Variants in PREX1 observed in about 807,000 individuals in gnomAD.
PREX1 encodes phosphatidylinositol-3,4,5-trisphosphate dependent Rac exchange factor 1.
A neutral mutation model predicts 198.3 loss-of-function variants in PREX1; 41 were observed. That is an observed-to-expected ratio of 0.21 (90% CI 0.16 to 0.27). PREX1 has a LOEUF of 0.27. Ranked by LOEUF, PREX1 falls within the 10% of genes least tolerant of loss-of-function variation. The pLI is 1.00. For missense variants in PREX1, 1,620 were observed against 2,200.7 expected (o/e 0.74, Z 5.28); for synonymous variants, 843 against 887.2 (o/e 0.95, Z 0.89).
chr20:48,751,189 T>C (rs2090132543), intron 1 of PREX1, among the ~76,000 whole-genome samples: 1 of 152,204 alleles, frequency 6.6e-6, no homozygotes, highest in Non-Finnish European at 1.5e-5. Flanking sequence ...GATCCTGTTT[T>C]TGAAACGACA....
At chr20:48,676,664 T>TGAAGATCCTACAATGCC (rs2089711673) in intron 13 of PREX1, among the ~76,000 whole-genome samples, 2 of 152,004 alleles carry the variant, frequency 1.3e-5, no homozygotes, top group African/African-American at 4.8e-5. Flanking sequence ...CCGGGGATGC[T>TGAAGATCCTACAATGCC]GCTGAAGATC....
At chr20:48,749,939 A>G (rs1387350473) in intron 1 of PREX1, among the ~76,000 whole-genome samples, 1 of 151,074 alleles carries the variant, frequency 6.6e-6, no homozygotes, top group Non-Finnish European at 1.5e-5. Context: ...TTATATCCCC[A>G]GCCTGGACTT....
chr20:48,768,568 C>T (rs2090219679), intron 1 of PREX1, among the ~76,000 whole-genome samples: 1 of 152,094 alleles, frequency 6.6e-6, no homozygotes, highest in Non-Finnish European at 1.5e-5. Flanking sequence ...GCAGAGGCGG[C>T]CGATCACTTG....
chr20:48,807,327 T>C (rs562018810), intron 1 of PREX1, among the ~76,000 whole-genome samples: 1 of 152,166 alleles, frequency 6.6e-6, no homozygotes, highest in African/African-American at 2.4e-5. Context: ...TCTACAAAAT[T>C]GGGGTCCTGC....
At chr20:48,749,445 G>A (rs573059360) in intron 1 of PREX1, among the ~76,000 whole-genome samples, 3 of 152,292 alleles carry the variant, frequency 2.0e-5, no homozygotes, top group South Asian at 4.1e-4. Flanking sequence ...ATCCCACCAC[G>A]CTTGTCTAGG....
At chr20:48,672,080 C>A (rs1568816449) in intron 14 of PREX1, among the ~76,000 whole-genome samples, 1 of 152,176 alleles carries the variant, frequency 6.6e-6, no homozygotes, top group South Asian at 2.1e-4. Context: ...CACGAGAAAG[C>A]CCCCCGCATG....
At chr20:48,802,373 G>A (rs1436747614) in intron 1 of PREX1, among the ~76,000 whole-genome samples, 1 of 152,026 alleles carries the variant, frequency 6.6e-6, no homozygotes, top group Non-Finnish European at 1.5e-5. Context: ...ACTCTACCCA[G>A]CCACACCAGC....
rs545676804 is a variant in PREX1, at chr20:48,720,352, G to A, written c.621+5938C>T. Among the ~76,000 whole-genome samples, 110 of 152,208 alleles carry A rather than the reference G, an allele frequency of 7.2e-4. 2 individuals are homozygous for A. Among genetic ancestry groups the A allele is most frequent in the South Asian group, 2.5e-3 (12 of 4,812 alleles). On this transcript the variant is annotated intron_variant, in intron 5 of 39. Transcript: ENST00000371941. ...ACCATCTCCCCCAAGAAGAATGTCC[G>A]TTCCAAGGGGACAGGGGTTCAAGCT... is the stretch of plus-strand genomic sequence containing the variant.
At chr20:48,745,858 T>C (rs1359912926) in intron 2 of PREX1, among the ~76,000 whole-genome samples, 4 of 152,160 alleles carry the variant, frequency 2.6e-5, no homozygotes, top group Admixed American at 2.6e-4. Context: ...ACATTTTTGG[T>C]TGTCACAAAT....
rs1568848726 is a variant in PREX1 at position 48,747,005 on chromosome 20, CA to C, written c.291+803del. On this transcript the variant is annotated intron_variant, in intron 2 of 39. Coordinates refer to ENST00000371941, the MANE Select transcript of PREX1 (RefSeq NM_020820.4). ...ACACACACACACACACACACACACA[CA>C]CACACCCCACCCCCAGGAGGAGCCA... Among the ~76,000 whole-genome samples the C allele has an allele frequency of 3.2e-4, 40 of 125,610 alleles. No homozygotes were observed. In the East Asian group the frequency reaches 3.4e-3, roughly 11 times the overall value. 82.4% of individuals were successfully genotyped at this position (125,610 alleles called of 152,430 possible).
At chr20:48,786,288 T>C (rs1268005480) in intron 1 of PREX1, among the ~76,000 whole-genome samples, 1 of 152,094 alleles carries the variant, frequency 6.6e-6, no homozygotes, top group Non-Finnish European at 1.5e-5. Flanking sequence ...TCAGGGCATG[T>C]AGGTTTTGGA....
At chr20:48,880,980 CT>C in the PREX1 span, among the ~76,000 whole-genome samples, 29 of 24,038 alleles carry the variant, frequency 1.2e-3, 1 homozygote, top group African/African-American at 5.7e-3. Flanking sequence ...CAAACCATTG[CT>C]AAAAAAAAAA....
intron 1 of PREX1, among the ~76,000 whole-genome samples, chr20:48,754,660 G>C (rs941342737): frequency 1.3e-5 from 2 of 148,884 alleles, no homozygotes; most frequent in Admixed American, 1.3e-4. Context: ...GGTGAAACTT[G>C]AGAGGGCCAG....
rs780594930 is a variant in PREX1, at chr20:48,701,826, C to T, written c.784-940G>A. ...GCAGCAGGGGAAGGGGTGACAAAGA[C>T]GTGCATGAAGTTCACTGAATGTCAG... On this transcript the variant is annotated intron_variant, in intron 6 of 39. Transcript: ENST00000371941. Among the ~76,000 whole-genome samples, 88 of 152,166 alleles carry T rather than the reference C, an allele frequency of 5.8e-4. 1 individual carries two copies. The highest frequency in any genetic ancestry group is 1.9e-4 in the Non-Finnish European group (13 of 68,028).
At chr20:48,656,377 C>G (rs1213123205) in intron 18 of PREX1, 2 of 436,666 alleles carry the variant, frequency 4.6e-6, no homozygotes, top group Non-Finnish European at 9.2e-6. Context: ...GGACTTCGAT[C>G]AGAAGCTTCC....
chr20:48,827,412 G>C lies in PREX1; in HGVS notation c.219+230C>G, dbSNP rs575191157. The stretch of plus-strand genomic sequence containing the variant: ...ACAAAAGGGCAGCGCGCGCCGCGGG[G>C]AAGTGGAGTGCGGGAGAGCCCCGGT... On this transcript the variant is annotated intron_variant, in intron 1 of 39. Transcript: ENST00000371941. The surrounding 1 kb of genome is among the most constrained non-coding windows in gnomAD (Gnocchi z 4.1). Among the ~76,000 whole-genome samples, 1 of 152,332 alleles carries C rather than the reference G, an allele frequency of 6.6e-6. No individual in the cohort carries two copies. The highest frequency in any genetic ancestry group is 6.5e-5 in the Admixed American group (1 of 15,308).
intron 14 of PREX1, among the ~76,000 whole-genome samples, chr20:48,671,729 C>G (rs192608054): frequency 1.3e-5 from 2 of 152,296 alleles, no homozygotes; most frequent in Non-Finnish European, 2.9e-5. Flanking sequence ...TGTCACAGAT[C>G]TCTCCCGCAC....
chr20:48,850,093 A>C, the PREX1 span, among the ~76,000 whole-genome samples: 1 of 152,252 alleles, frequency 6.6e-6, no homozygotes, highest in African/African-American at 2.4e-5. Flanking sequence ...AGCAGCAATG[A>C]GCACTTGTTA....
intron 33 of PREX1, 133 bp from the exon 34 acceptor site, chr20:48,632,772 TCCC>T (rs1032293550): frequency 4.2e-6 from 4 of 945,870 alleles, no homozygotes; most frequent in Non-Finnish European, 6.3e-6. Context: ...CTCCCTGTTC[TCCC>T]GACTCTACAG....
Sources: gnomAD v4.1 joint callset for allele counts (sites outside exome capture counted in the v4.1 genomes callset) on GRCh38, gnomAD v4.1.1 for gene constraint, Gnocchi (gnomAD v3.1) non-coding constraint, MANE v1.5 for transcripts, NCBI Gene and HGNC (gene_info 2026-07-23, HGNC 2026-07-21) for gene names.